The following MFN2 variants were observed in gnomAD, a reference collection of about 807,000 sequenced individuals.
MFN2 encodes mitofusin-2.
A neutral mutation model predicts 87.5 loss-of-function variants in MFN2; 43 were observed. The ratio of observed to expected loss-of-function variants is 0.49; its 90% CI spans 0.38 to 0.63. The LOEUF is 0.63. Among genes scored for constraint, MFN2 ranks in the 30% least tolerant of loss-of-function variants. MFN2 has a pLI of 0.00. For synonymous variants in MFN2, 337 were observed against 359.9 expected (o/e 0.94, Z 0.72); for missense variants, 743 against 972.8 (o/e 0.76, Z 3.14).
Position 12,005,778 on chromosome 1 carries a change from C to G in MFN2, c.1563C>G (p.Cys521Trp). 1 of 1,614,214 alleles carries G rather than the reference C, an allele frequency of 6.2e-7. No individual in the cohort carries two copies. The change falls in exon 15 of 19, where the codon TGC (cysteine) becomes TGG (tryptophan). Residue 521 changes from cysteine (C) to tryptophan (W), a missense_variant. This residue lies in a region of MFN2 where 571 missense variants were observed against 670.7 expected (regional missense o/e 0.85). Transcript: ENST00000235329. ...SQIDMLVPRQCFSLNYDLNCD... is the reference protein window; with the variant it reads ...SQIDMLVPRQWFSLNYDLNCD... ...TAGACATGCTGGTCCCACGCCAGTGCTTCTCCCTCAACTATGACCTAAACT... is the reference window on the plus strand; with the variant it reads ...TAGACATGCTGGTCCCACGCCAGTGGTTCTCCCTCAACTATGACCTAAACT...
rs1452942854 is a variant in MFN2 at position 12,003,727 on chromosome 1, A to G, written c.1161-265A>G. Among the ~76,000 whole-genome samples, 1 of 152,040 alleles carries G rather than the reference A, an allele frequency of 6.6e-6. No individual in the cohort carries two copies. Reference sequence around the variant, plus strand: ...AGGTTGAGCTTTTTTCCCTATATTAATTGGCAGAATTTGTTTAAACCCCCT... The same window carrying G: ...AGGTTGAGCTTTTTTCCCTATATTAGTTGGCAGAATTTGTTTAAACCCCCT... On this transcript the variant is annotated intron_variant, in intron 11 of 18. Transcript: ENST00000235329. The surrounding 1 kb of genome is among the most constrained non-coding windows in gnomAD (Gnocchi z 4.1).
rs866604005 is a variant in MFN2, at chr1:12,001,464, C to T, written c.880C>T (p.Arg294Ter). The T allele has an allele frequency of 1.9e-6, 3 of 1,613,996 alleles. No individual in the cohort carries two copies. Among genetic ancestry groups the T allele is most frequent in the Non-Finnish European group, 2.5e-6 (3 of 1,179,958 alleles). Residue 294 changes from arginine (R) to a stop codon, truncating the protein, a stop_gained, in exon 9 of 19, where the codon CGA (arginine) becomes TGA (stop). Transcript: ENST00000235329. LOFTEE classifies it high-confidence loss of function. ...FLVDELGVVD[R>*]SQAGDRIFFV... The stretch of plus-strand genomic sequence containing the variant: ...GGTGGATGAGCTGGGCGTGGTGGAT[C>T]GATCCCAGGCCGGGGACCGCATCTT...
chr1:11,989,927 T>G (rs1225298706), intron 3 of MFN2, among the ~76,000 whole-genome samples: 1 of 152,254 alleles, frequency 6.6e-6, no homozygotes, highest in African/African-American at 2.4e-5. Flanking sequence ...CCCGCTCGTC[T>G]GAGTGTCAAC....
chr1:11,993,620 A>G (rs1638786711), intron 4 of MFN2, among the ~76,000 whole-genome samples: 1 of 151,818 alleles, frequency 6.6e-6, no homozygotes, highest in African/African-American at 2.4e-5. Context: ...CTGTAGTCCC[A>G]GCTACTTGGG....
In MFN2 at chr1:12,001,705, G is replaced by C. The variant is rs997202677; in HGVS notation, c.971-64G>C. The stretch of plus-strand genomic sequence containing the variant: ...TCTTTAGCCAGTGGCTTGGTTTCTG[G>C]GGATTTCATCGTTTTCCTCTGCTGC... On this transcript the variant is annotated intron_variant, in intron 9 of 18. Coordinates refer to ENST00000235329, the MANE Select transcript of MFN2 (RefSeq NM_014874.4). 3.7e-6 allele frequency: 6 copies of C among 1,606,838 alleles called. No homozygotes were observed. The African/African-American group carries it at 8.0e-5, about 21-fold the overall frequency.
rs774330626 is a variant in MFN2 at position 11,985,455 on chromosome 1, CTTTTTTTTTT to C, written c.-5+3359_-5+3368del. Among the ~76,000 whole-genome samples the C allele has an allele frequency of 3.4e-4, 41 of 119,706 alleles. 2 individuals are homozygous for C. The South Asian group carries it at 9.9e-3, about 29-fold the overall frequency. The allele number at this position is 119,706 out of a possible 152,430, so 78.5% of individuals were successfully genotyped here. A position where few individuals can be genotyped will look rare whatever the true frequency, so the allele number is the denominator to read the frequency against. ...CTATATCATGCCCCATCCTTGATCCCTTTTTTTTTTTTTTTTTTTTTTTTTTTAAAGAGAG... is the reference window on the plus strand; with the variant it reads ...CTATATCATGCCCCATCCTTGATCCCTTTTTTTTTTTTTTTTTAAAGAGAG... On this transcript the variant is annotated intron_variant, in intron 2 of 18. Transcript: ENST00000235329.
Position 11,996,324 on chromosome 1 carries a change from G to A in MFN2, c.474+6G>A, listed in dbSNP as rs575103344. On this transcript the variant is annotated splice_donor_region_variant and intron_variant, in intron 5 of 18. Transcript: ENST00000235329. ...AGGAAAAGAGGAGTGCCAAGGTGAG[G>A]GTGCCAGGCTGGCTGTCAGCCCTGT... is the stretch of plus-strand genomic sequence containing the variant. 3.7e-6 allele frequency: 6 copies of A among 1,614,004 alleles called. No homozygotes were observed. The highest frequency in any genetic ancestry group is 3.3e-5 in the South Asian group (3 of 91,074).
intron 1 of MFN2, among the ~76,000 whole-genome samples, chr1:11,980,714 C>T (rs1645966815): frequency 6.6e-6 from 1 of 152,216 alleles, no homozygotes; most frequent in African/African-American, 2.4e-5. Flanking sequence ...CTTCTCATCG[C>T]CCCCGCCTTT....
chr1:11,997,155 C>G (rs1638947822), intron 5 of MFN2, 142 bp from the exon 6 acceptor site: 1 of 1,276,856 alleles, frequency 7.8e-7, no homozygotes, highest in Non-Finnish European at 1.1e-6. Flanking sequence ...CAACTCCCAG[C>G]TGTTAACTTT....
chr1:11,995,471 C>CA (rs1295308983), intron 4 of MFN2, among the ~76,000 whole-genome samples: 2 of 150,554 alleles, frequency 1.3e-5, no homozygotes, highest in Non-Finnish European at 3.0e-5. Flanking sequence ...TGTCTCTACT[C>CA]AAAATACAAA....
rs947868603 is a variant in MFN2 at position 12,011,764 on chromosome 1, G to A, written c.*199G>A. 7.9e-6 allele frequency: 5 copies of A among 629,382 alleles called. No homozygotes were observed. Among genetic ancestry groups the A allele is most frequent in the African/African-American group, 5.5e-5 (3 of 54,858 alleles). The allele number at this position is 629,382 out of a possible 1,614,324, so 39.0% of individuals were successfully genotyped here. A position where few individuals can be genotyped will look rare whatever the true frequency, so the allele number is the denominator to read the frequency against. On this transcript the variant is annotated 3_prime_UTR_variant, in exon 19 of 19. Coordinates refer to ENST00000235329, the MANE Select transcript of MFN2 (RefSeq NM_014874.4). ...TTGCCTGCTGTTGCTGGAAGAGCTG[G>A]CTCATACCCCCAAAGGACACTTTCA...
In MFN2 at chr1:12,013,391, A is replaced by C. The variant is rs945026971; in HGVS notation, c.*1826A>C. 3 of 471,382 alleles carry C rather than the reference A, an allele frequency of 6.4e-6. No individual in the cohort carries two copies. The highest frequency in any genetic ancestry group is 3.1e-5 in the South Asian group (2 of 64,414). 29.2% of individuals were successfully genotyped at this position (471,382 alleles called of 1,614,324 possible). A position where few individuals can be genotyped will look rare whatever the true frequency, so the allele number is the denominator to read the frequency against. ...TTTTTATGTTCATTTGCTGGAGCGC[A>C]AGACGTGCTGACACAGTGAGTTTTC... On this transcript the variant is annotated 3_prime_UTR_variant, in exon 19 of 19. Transcript: ENST00000235329.
intron 3 of MFN2, 193 bp from the exon 4 acceptor site, chr1:11,992,362 T>C (rs1457509392): frequency 1.5e-6 from 1 of 680,100 alleles, no homozygotes; most frequent in African/African-American, 1.8e-5. Context: ...CAGGCAGTGT[T>C]GCTCCTGAGC....
At chr1:12,010,882 C>G (rs556893577) in intron 18 of MFN2, among the ~76,000 whole-genome samples, 1 of 152,280 alleles carries the variant, frequency 6.6e-6, no homozygotes, top group Non-Finnish European at 1.5e-5. Flanking sequence ...ATAGCATCAG[C>G]ACACGGGGAC....
At chr1:11,997,964 A>C (rs1422470564) in intron 6 of MFN2, among the ~76,000 whole-genome samples, 1 of 137,056 alleles carries the variant, frequency 7.3e-6, no homozygotes, top group Non-Finnish European at 1.5e-5. Flanking sequence ...GCTCACTGCA[A>C]CCTCCGCCTC....
intron 5 of MFN2, among the ~76,000 whole-genome samples, 168 bp from the exon 6 acceptor site, chr1:11,997,129 A>T (rs1638945562): frequency 6.6e-6 from 1 of 152,180 alleles, no homozygotes; most frequent in African/African-American, 2.4e-5. Context: ...CAGTGAAGAA[A>T]GTGGGTTCTT....
Position 12,011,645 on chromosome 1 carries a change from G to C in MFN2, c.*80G>C. On this transcript the variant is annotated 3_prime_UTR_variant, in exon 19 of 19. Transcript: ENST00000235329. The stretch of plus-strand genomic sequence containing the variant: ...GCCATGTGGGCTCCCCCAGGGGCAC[G>C]TGTGGCTCCTGCCCCCTGGCCACTG... The C allele has an allele frequency of 1.4e-6, 2 of 1,470,100 alleles. No homozygotes were observed. The highest frequency in any genetic ancestry group is 1.9e-6 in the Non-Finnish European group (2 of 1,053,072). 91.1% of individuals were successfully genotyped at this position (1,470,100 alleles called of 1,614,324 possible). A position where few individuals can be genotyped will look rare whatever the true frequency, so the allele number is the denominator to read the frequency against.
intron 2 of MFN2, among the ~76,000 whole-genome samples, chr1:11,986,089 A>G (rs1638392734): frequency 1.3e-5 from 2 of 151,982 alleles, no homozygotes; most frequent in South Asian, 4.1e-4. Flanking sequence ...TTGCACAAGA[A>G]CTTGTTGGTT....
intron 2 of MFN2, 148 bp from the exon 3 acceptor site, chr1:11,989,017 A>G (rs566713421): frequency 1.1e-6 from 1 of 910,292 alleles, no homozygotes; most frequent in East Asian, 2.5e-5. Context: ...CACTGTTCTT[A>G]TCTCACCGTC....
Sources: allele counts gnomAD v4.1 joint callset (sites outside exome capture counted in the v4.1 genomes callset), GRCh38; gene constraint gnomAD v4.1.1; regional missense constraint gnomAD v4.1.1; non-coding constraint Gnocchi (gnomAD v3.1); transcripts MANE v1.5; gene names NCBI Gene and HGNC (gene_info 2026-07-23, HGNC 2026-07-21).